DLC1: variants seen among roughly 807,000 people sequenced by gnomAD.
DLC1 encodes the protein DLC1 Rho GTPase activating protein.
In DLC1, 54 loss-of-function variants were observed where a neutral mutation model predicts 140.3. The ratio of observed to expected loss-of-function variants is 0.38; its 90% CI spans 0.31 to 0.48. DLC1 has a LOEUF of 0.48. Ranked by LOEUF, DLC1 falls within the 20% of genes least tolerant of loss-of-function variation. The probability of loss-of-function intolerance (pLI) is 0.96; values close to 1 mark genes in which losing one functional copy is unlikely to be tolerated. For synonymous variants in DLC1, 986 were observed against 728.1 expected, an observed-to-expected ratio of 1.35 and a Z score of -5.70; for missense variants, 2,536 against 1,907.0, an observed-to-expected ratio of 1.33 and a Z score of -6.14.
intron 3 of DLC1, among the ~76,000 whole-genome samples, chr8:13,395,038 T>TATCTATC (rs1836966293): frequency 6.6e-6 from 1 of 150,794 alleles, no homozygotes; most frequent in African/African-American, 2.4e-5. Context: ...ATCTATCATC[T>TATCTATC]ATCTATCTAT....
chr8:13,265,363 A>G (rs1364934351), intron 5 of DLC1, among the ~76,000 whole-genome samples: 1 of 152,216 alleles, frequency 6.6e-6, no homozygotes, highest in East Asian at 1.9e-4. Context: ...AGGCAATCAC[A>G]AAAGAAGTTT....
intron 2 of DLC1, among the ~76,000 whole-genome samples, chr8:13,453,179 A>G (rs1017467093): frequency 5.3e-5 from 8 of 149,746 alleles, no homozygotes; most frequent in Admixed American, 3.3e-4. Context: ...TTATTCTAAA[A>G]AATTCTAAAA....
chr8:13,110,000 AT>A (rs1380480260), intron 7 of DLC1, among the ~76,000 whole-genome samples: 3 of 152,100 alleles, frequency 2.0e-5, no homozygotes, highest in Admixed American at 1.3e-4. Context: ...TCTGTGTATA[AT>A]TTTTTTCCCC....
At chr8:13,579,344 T>TGC (rs2117438211) in intron 1 of DLC1, among the ~76,000 whole-genome samples, 1 of 55,662 alleles carries the variant, frequency 1.8e-5, no homozygotes, top group Non-Finnish European at 2.9e-5. Context: ...TATATATATA[T>TGC]ATATATATAT....
chr8:13,091,577 C>G, intron 13 of DLC1, 145 bp from the exon 14 acceptor site: 2 of 628,468 alleles, frequency 3.2e-6, no homozygotes, highest in Non-Finnish European at 5.3e-6. Flanking sequence ...AGTGTTTTTA[C>G]TTTGGTCACC....
At chr8:13,365,558 A>G (rs143699825) in intron 4 of DLC1, among the ~76,000 whole-genome samples, 1 of 152,246 alleles carries the variant, frequency 6.6e-6, no homozygotes, top group East Asian at 1.9e-4. Flanking sequence ...GATGTTACCA[A>G]TTTCTCTTTT....
In DLC1 at chr8:13,135,076, A is replaced by G. The variant is rs116728454; in HGVS notation, c.1349-19419T>C. 4.1e-3 allele frequency among the ~76,000 whole-genome samples: 630 copies of G among 152,278 alleles called. 2 individuals carry two copies. Among genetic ancestry groups the G allele is most frequent in the African/African-American group, 0.015 (614 of 41,556 alleles). Reference sequence around the variant, plus strand: ...GTGTGGGAGCCGGAGGAGCTGCCCAAGAGCCCACCGTCACCAGCAAGGGGG... The same window carrying G: ...GTGTGGGAGCCGGAGGAGCTGCCCAGGAGCCCACCGTCACCAGCAAGGGGG... On this transcript the variant is annotated intron_variant, in intron 5 of 17. Transcript: ENST00000276297.
chr8:13,452,781 T>C (rs1004806617), intron 2 of DLC1, among the ~76,000 whole-genome samples: 1 of 152,192 alleles, frequency 6.6e-6, no homozygotes, highest in African/African-American at 2.4e-5. Flanking sequence ...AGTTTAAGCA[T>C]ACAATCATAC....
chr8:13,551,971 ATG>A (rs776078266), intron 1 of DLC1, among the ~76,000 whole-genome samples: 9 of 144,480 alleles, frequency 6.2e-5, no homozygotes, highest in South Asian at 2.2e-4. Flanking sequence ...GTATATGTAT[ATG>A]TGTGTGTGTG....
chr8:13,397,049 A>G (rs1306689867), intron 3 of DLC1, among the ~76,000 whole-genome samples: 1 of 151,968 alleles, frequency 6.6e-6, no homozygotes, highest in South Asian at 2.1e-4. Context: ...TTCTTTGGGA[A>G]TATAGAGCTC....
At chr8:13,370,258 A>ACAGG in intron 4 of DLC1, among the ~76,000 whole-genome samples, 1 of 152,198 alleles carries the variant, frequency 6.6e-6, no homozygotes, top group South Asian at 2.1e-4. Context: ...ATATACTATA[A>ACAGG]GCTCTAACAA....
intron 4 of DLC1, among the ~76,000 whole-genome samples, chr8:13,392,076 C>T (rs561135423): frequency 5.3e-5 from 8 of 149,538 alleles, no homozygotes; most frequent in Admixed American, 3.3e-4. Context: ...AAATGAAGAG[C>T]ACCATTCCAT....
intron 5 of DLC1, among the ~76,000 whole-genome samples, chr8:13,135,911 T>C (rs1345540475): frequency 6.6e-6 from 1 of 152,216 alleles, no homozygotes; most frequent in Non-Finnish European, 1.5e-5. Flanking sequence ...TTGCTCATTG[T>C]ATAATAATAC....
intron 4 of DLC1, among the ~76,000 whole-genome samples, chr8:13,307,553 G>T (rs1362495139): frequency 6.6e-6 from 1 of 151,968 alleles, no homozygotes; most frequent in Non-Finnish European, 1.5e-5. Flanking sequence ...CCCCTGATTG[G>T]GGGTTTTAAA....
intron 2 of DLC1, among the ~76,000 whole-genome samples, chr8:13,489,445 AC>A (rs1801135173): frequency 6.6e-6 from 1 of 151,270 alleles, no homozygotes; most frequent in Non-Finnish European, 1.5e-5. Flanking sequence ...ACACACACAC[AC>A]ACAAAATGTT....
intron 4 of DLC1, among the ~76,000 whole-genome samples, chr8:13,317,520 G>A (rs1030070153): frequency 3.3e-5 from 5 of 152,182 alleles, no homozygotes; most frequent in Non-Finnish European, 7.4e-5. Context: ...AAGAGAGAAG[G>A]AAATAAATTC....
At chr8:13,321,934 T>C (rs985983825) in intron 4 of DLC1, among the ~76,000 whole-genome samples, 1 of 152,204 alleles carries the variant, frequency 6.6e-6, no homozygotes, top group Non-Finnish European at 1.5e-5. Context: ...GCAAATATTT[T>C]TTTTAGTATC....
At chr8:13,184,842 C>T (rs1055512607) in intron 5 of DLC1, among the ~76,000 whole-genome samples, 1 of 152,140 alleles carries the variant, frequency 6.6e-6, no homozygotes, top group African/African-American at 2.4e-5. Context: ...AGTTCAAGTC[C>T]TGGATATCCT....
chr8:13,168,232 A>T (rs896977442), intron 5 of DLC1, among the ~76,000 whole-genome samples: 1 of 152,224 alleles, frequency 6.6e-6, no homozygotes, highest in Non-Finnish European at 1.5e-5. Flanking sequence ...TTAGATTAGA[A>T]TGGCTTCCCG....
Sources: gnomAD v4.1 joint callset for allele counts (sites outside exome capture counted in the v4.1 genomes callset) on GRCh38, gnomAD v4.1.1 for gene constraint, MANE v1.5 for transcripts, NCBI Gene and HGNC (gene_info 2026-07-23, HGNC 2026-07-21) for gene names.